CACUL1: variants seen among roughly 807,000 people sequenced by gnomAD.
The protein encoded by CACUL1 is CDK2 associated cullin domain 1, also known as CDK2-associated and cullin domain-containing protein 1.
A neutral mutation model predicts 45.2 loss-of-function variants in CACUL1; 13 were observed. That is an observed-to-expected ratio of 0.29 (90% confidence interval 0.19 to 0.46). The LOEUF is 0.46. Among genes scored for constraint, CACUL1 ranks in the 20% least tolerant of loss-of-function variants. The pLI is 1.00. For missense variants in CACUL1, 421 were observed against 471.4 expected (o/e 0.89, Z 0.99); for synonymous variants, 197 against 174.2 (o/e 1.13, Z -1.03).
At chr10:118,709,699 G>T (rs1589607996) in intron 3 of CACUL1, among the ~76,000 whole-genome samples, 1 of 152,214 alleles carries the variant, frequency 6.6e-6, no homozygotes, top group South Asian at 2.1e-4. Flanking sequence ...TTTAAAACAT[G>T]AAATTATAAG....
chr10:118,691,202 C>G (rs1589601948), intron 7 of CACUL1, 63 bp downstream of exon 7: 2 of 1,453,394 alleles, frequency 1.4e-6, no homozygotes, highest in African/African-American at 2.8e-5. Flanking sequence ...TCTCCCATGT[C>G]AAGCCAGACT....
chr10:118,723,651 T>C (rs1466330172), intron 3 of CACUL1, among the ~76,000 whole-genome samples: 2 of 152,206 alleles, frequency 1.3e-5, no homozygotes, highest in East Asian at 3.8e-4. Flanking sequence ...TATTTCTGAT[T>C]AAGTGCCAGA....
At position 118,682,146 on chromosome 10, in the gene CACUL1, A is replaced by G. The variant is rs570791384; in HGVS notation, c.*3982T>C. ...CTTTAAAAGGCCTAGACTTGGATTA[A>G]AGTAAACGTAATATTCCAAGCTAAA... On this transcript the variant is annotated 3_prime_UTR_variant, in exon 9 of 9. Coordinates refer to ENST00000369151, the MANE Select transcript of CACUL1 (RefSeq NM_153810.5). 1 of 152,366 alleles carries G rather than the reference A, an allele frequency of 6.6e-6. No individual in the cohort carries two copies. Among genetic ancestry groups the G allele is most frequent in the African/African-American group, 2.4e-5 (1 of 41,580 alleles). 9.4% of individuals were successfully genotyped at this position (152,366 alleles called of 1,614,324 possible).
chr10:118,690,800 C>T (rs1326604661), intron 7 of CACUL1, among the ~76,000 whole-genome samples: 1 of 152,216 alleles, frequency 6.6e-6, no homozygotes, highest in African/African-American at 2.4e-5. Context: ...GATCCCAGCA[C>T]TTTGGGAGGC....
chr10:118,746,766 C>A (rs1845846874), intron 1 of CACUL1, among the ~76,000 whole-genome samples: 1 of 152,068 alleles, frequency 6.6e-6, no homozygotes, highest in African/African-American at 2.4e-5. Flanking sequence ...AAGAAATGAG[C>A]AAAAGATGTG....
intron 7 of CACUL1, among the ~76,000 whole-genome samples, chr10:118,690,746 CCTT>C (rs1165527956): frequency 6.6e-6 from 1 of 152,132 alleles, no homozygotes; most frequent in Non-Finnish European, 1.5e-5. Context: ...GTGGGAAATC[CCTT>C]CTTCAAAATG....
chr10:118,746,068 C>T (rs560209544), intron 1 of CACUL1, among the ~76,000 whole-genome samples: 8 of 149,734 alleles, frequency 5.3e-5, no homozygotes, highest in Non-Finnish European at 1.2e-4. Flanking sequence ...AGGAGAATGG[C>T]GTGAACCCAG....
At chr10:118,751,113 T>G (rs1238732786) in intron 1 of CACUL1, among the ~76,000 whole-genome samples, 1 of 152,228 alleles carries the variant, frequency 6.6e-6, no homozygotes, top group African/African-American at 2.4e-5. Context: ...TTGCCTATTT[T>G]TCTACAGAAG....
At chr10:118,737,331 T>A (rs1845749456) in intron 1 of CACUL1, among the ~76,000 whole-genome samples, 1 of 152,214 alleles carries the variant, frequency 6.6e-6, no homozygotes, top group African/African-American at 2.4e-5. Context: ...ATTTAAAATG[T>A]CTACTGTGAT....
At chr10:118,699,668 G>C (rs1845358575) in intron 5 of CACUL1, among the ~76,000 whole-genome samples, 2 of 150,166 alleles carry the variant, frequency 1.3e-5, no homozygotes, top group Admixed American at 6.6e-5. Flanking sequence ...TTTTGAGACA[G>C]GAGTCTTGCT....
At chr10:118,748,056 G>C (rs940386256) in intron 1 of CACUL1, among the ~76,000 whole-genome samples, 4 of 152,170 alleles carry the variant, frequency 2.6e-5, no homozygotes, top group African/African-American at 9.7e-5. Flanking sequence ...CTGCACTCCA[G>C]CCTGGGCGAC....
rs3839936 is a variant in CACUL1 at position 118,684,603 on chromosome 10, AAC to A, written c.*1523_*1524del. 14 of 152,336 alleles carry A rather than the reference AAC, an allele frequency of 9.2e-5. No individual in the cohort carries two copies. In the East Asian group the frequency reaches 2.3e-3, roughly 25 times the overall value. The allele number at this position is 152,336 out of a possible 1,614,324, so 9.4% of individuals were successfully genotyped here. A position where few individuals can be genotyped will look rare whatever the true frequency, so the allele number is the denominator to read the frequency against. Reference sequence around the variant, plus strand: ...AACCTTTATCTTTACTTCTCTGTATAACAGTTTTACAAATCAAGGACTTCAAT... The same window carrying A: ...AACCTTTATCTTTACTTCTCTGTATAAGTTTTACAAATCAAGGACTTCAAT... On this transcript the variant is annotated 3_prime_UTR_variant, in exon 9 of 9. Transcript: ENST00000369151.
chr10:118,754,188 C>G lies in CACUL1; in HGVS notation c.367+208G>C, dbSNP rs947329109. Among the ~76,000 whole-genome samples the G allele has an allele frequency of 2.6e-5, 4 of 152,128 alleles. No individual in the cohort carries two copies. In the East Asian group the frequency reaches 7.7e-4, roughly 29 times the overall value. On this transcript the variant is annotated intron_variant, in intron 1 of 8. Coordinates refer to ENST00000369151, the MANE Select transcript of CACUL1 (RefSeq NM_153810.5). Reference sequence around the variant, plus strand: ...TCTCTAGGCCAGGTAATACAAGAAGCCAGGGCCGCTCAGGCGCTGGCCGCA... The same window carrying G: ...TCTCTAGGCCAGGTAATACAAGAAGGCAGGGCCGCTCAGGCGCTGGCCGCA...
At chr10:118,700,047 T>A (rs1845363477) in intron 5 of CACUL1, among the ~76,000 whole-genome samples, 1 of 152,024 alleles carries the variant, frequency 6.6e-6, no homozygotes, top group Non-Finnish European at 1.5e-5. Flanking sequence ...ACACTATTCT[T>A]TGAAAAAAAA....
Position 118,680,442 on chromosome 10 carries a change from A to G in CACUL1, c.*5686T>C, listed in dbSNP as rs1845141956. 1 of 152,224 alleles carries G rather than the reference A, an allele frequency of 6.6e-6. No homozygotes were observed. The highest frequency in any genetic ancestry group is 2.1e-4 in the South Asian group (1 of 4,830). The allele number at this position is 152,224 out of a possible 1,614,324, so 9.4% of individuals were successfully genotyped here. A position where few individuals can be genotyped will look rare whatever the true frequency, so the allele number is the denominator to read the frequency against. The stretch of plus-strand genomic sequence containing the variant: ...AACAGAGCTGAGGTCAAAAAAATGG[A>G]AGGGATGAGAACTGGCATTCTGACA... On this transcript the variant is annotated 3_prime_UTR_variant, in exon 9 of 9. Transcript: ENST00000369151.
chr10:118,717,262 AG>A (rs1254816353), intron 3 of CACUL1, among the ~76,000 whole-genome samples: 1 of 152,266 alleles, frequency 6.6e-6, no homozygotes, highest in Admixed American at 6.5e-5. Context: ...CATGTAACAC[AG>A]GCATTTACTG....
intron 4 of CACUL1, among the ~76,000 whole-genome samples, chr10:118,701,911 A>G (rs1177815810): frequency 6.6e-6 from 1 of 152,172 alleles, no homozygotes; most frequent in African/African-American, 2.4e-5. Context: ...GCCCAAGCAG[A>G]CTTAGAGAAA....
intron 7 of CACUL1, among the ~76,000 whole-genome samples, chr10:118,689,540 C>T (rs1845241049): frequency 6.6e-6 from 1 of 152,132 alleles, no homozygotes; most frequent in African/African-American, 2.4e-5. Context: ...CCTATTTATA[C>T]CAAAAATTCA....
At chr10:118,694,472 C>T (rs1000420577) in intron 6 of CACUL1, among the ~76,000 whole-genome samples, 2 of 152,172 alleles carry the variant, frequency 1.3e-5, no homozygotes, top group African/African-American at 4.8e-5. Flanking sequence ...TGTAGAACAA[C>T]GTTCTATCCT....
Sources: gnomAD v4.1 joint callset for allele counts (sites outside exome capture counted in the v4.1 genomes callset) on GRCh38, gnomAD v4.1.1 for gene constraint, MANE v1.5 for transcripts, NCBI Gene and HGNC (gene_info 2026-07-23, HGNC 2026-07-21) for gene names.